Variants in HIVEP3 observed in about 807,000 individuals in gnomAD.
HIVEP3 encodes transcription factor HIVEP3.
HIVEP3 carries 49 observed loss-of-function variants against 152.8 expected under a neutral mutation model. The ratio of observed to expected loss-of-function variants is 0.32; its 90% confidence interval spans 0.26 to 0.41. HIVEP3 has a LOEUF of 0.41. Ranked by LOEUF, HIVEP3 falls within the 10% of genes least tolerant of loss-of-function variation. The pLI is 1.00. For missense variants in HIVEP3, 2,790 were observed against 3,103.3 expected (o/e 0.90, Z 2.40); for synonymous variants, 1,269 against 1,289.0 (o/e 0.98, Z 0.33).
intron 2 of HIVEP3, among the ~76,000 whole-genome samples, chr1:41,629,682 G>A (rs915831234): frequency 9.2e-5 from 14 of 152,086 alleles, no homozygotes; most frequent in African/African-American, 2.9e-4. Flanking sequence ...AATGCTCAAC[G>A]TCACTAATCA....
In HIVEP3 at chr1:41,646,353, C is replaced by T. The variant is rs75643960; in HGVS notation, c.-720-17406G>A. On this transcript the variant is annotated intron_variant, in intron 2 of 8. Coordinates refer to ENST00000372583, the MANE Select transcript of HIVEP3 (RefSeq NM_024503.5). ...GTTCAGATCCAGACCCTTCAGCATG[C>T]GGACACAGCCTGGCTCCCATGAGTG... 3.4e-4 allele frequency among the ~76,000 whole-genome samples: 52 copies of T among 152,306 alleles called. No individual in the cohort carries two copies. The South Asian group carries it at 4.8e-3, about 14-fold the overall frequency.
intron 3 of HIVEP3, among the ~76,000 whole-genome samples, chr1:41,587,028 T>C (rs1644515978): frequency 6.6e-6 from 1 of 152,114 alleles, no homozygotes; most frequent in African/African-American, 2.4e-5. Context: ...TATATATTTA[T>C]ATATGAGCTT....
chr1:41,605,202 GAGGAAAGGA>G (rs1420979133), intron 3 of HIVEP3, among the ~76,000 whole-genome samples: 2 of 148,500 alleles, frequency 1.3e-5, no homozygotes, highest in African/African-American at 5.0e-5. Flanking sequence ...GAAGGGAAGG[GAGGAAAGGA>G]AGGAAAGGAA....
intron 2 of HIVEP3, among the ~76,000 whole-genome samples, chr1:41,685,475 C>T (rs761565030): frequency 2.0e-5 from 3 of 152,234 alleles, no homozygotes; most frequent in Non-Finnish European, 2.9e-5. Context: ...GACTGGCTCA[C>T]AGCACATCCC....
chr1:41,813,709 T>C (rs1278304827), intron 1 of HIVEP3, among the ~76,000 whole-genome samples: 1 of 152,104 alleles, frequency 6.6e-6, no homozygotes, highest in African/African-American at 2.4e-5. Flanking sequence ...CCATAATACA[T>C]GAGAGACCAT....
At chr1:41,849,246 T>C (rs978957173) in intron 1 of HIVEP3, among the ~76,000 whole-genome samples, 8 of 152,164 alleles carry the variant, frequency 5.3e-5, no homozygotes, top group Middle Eastern at 3.2e-3. Flanking sequence ...GATTGCTTAT[T>C]CTATGGCACC....
intron 1 of HIVEP3, among the ~76,000 whole-genome samples, chr1:41,748,804 G>C (rs1322464718): frequency 6.6e-6 from 1 of 152,198 alleles, no homozygotes; most frequent in African/African-American, 2.4e-5. Context: ...CCACCAGCGG[G>C]GTCCTTCAGG....
At chr1:41,817,897 G>C (rs1490959952) in intron 1 of HIVEP3, among the ~76,000 whole-genome samples, 6 of 152,260 alleles carry the variant, frequency 3.9e-5, no homozygotes, top group African/African-American at 1.2e-4. Flanking sequence ...AGGTGGGGAG[G>C]GAGGAACACT....
At chr1:41,829,497 G>C (rs1250307650) in intron 1 of HIVEP3, among the ~76,000 whole-genome samples, 1 of 152,122 alleles carries the variant, frequency 6.6e-6, no homozygotes, top group East Asian at 1.9e-4. Context: ...AGAAACCTCT[G>C]TGCATGGAAG....
In HIVEP3 at chr1:41,677,286, C is replaced by G. The variant is rs929460234; in HGVS notation, c.-721+23630G>C. 5.3e-5 allele frequency among the ~76,000 whole-genome samples: 8 copies of G among 152,226 alleles called. No individual in the cohort carries two copies. The East Asian group carries it at 1.5e-3, about 29-fold the overall frequency. ...CCATGCACTGCTCTAACACGCTTCACACGTATAATCCGGTCTAATCCTCAT... is the reference window on the plus strand; with the variant it reads ...CCATGCACTGCTCTAACACGCTTCAGACGTATAATCCGGTCTAATCCTCAT... On this transcript the variant is annotated intron_variant, in intron 2 of 8. Coordinates refer to ENST00000372583, the MANE Select transcript of HIVEP3 (RefSeq NM_024503.5).
At chr1:42,018,096 C>T (rs563046469) in intron 1 of HIVEP3, among the ~76,000 whole-genome samples, 7 of 151,736 alleles carry the variant, frequency 4.6e-5, no homozygotes, top group South Asian at 2.1e-4. Context: ...TTTTTTCAAG[C>T]TTTTTGTCCA....
rs117234616 is a variant in HIVEP3, at chr1:41,874,170, T to A, written c.-801+44243A>T. Among the ~76,000 whole-genome samples, 201 of 152,376 alleles carry A rather than the reference T, an allele frequency of 1.3e-3. 3 individuals are homozygous for A. In the East Asian group the frequency reaches 0.014, roughly 11 times the overall value. ...AGTTAACTGCCTTAAAGTTCCCTTA[T>A]CATTGAAATGAACTAGATCACAGAA... On this transcript the variant is annotated intron_variant, in intron 1 of 8. Coordinates refer to ENST00000372583, the MANE Select transcript of HIVEP3 (RefSeq NM_024503.5).
At chr1:42,015,993 C>A (rs545273924) in intron 1 of HIVEP3, among the ~76,000 whole-genome samples, 1 of 152,296 alleles carries the variant, frequency 6.6e-6, no homozygotes, top group South Asian at 2.1e-4. Flanking sequence ...GCTGGTTGCA[C>A]AGGGACAGGA....
intron 3 of HIVEP3, among the ~76,000 whole-genome samples, chr1:41,593,242 C>T (rs1278746692): frequency 6.6e-6 from 1 of 152,206 alleles, no homozygotes; most frequent in Non-Finnish European, 1.5e-5. Flanking sequence ...ATGCCCCTCC[C>T]CAGAGAAGCT....
At chr1:41,902,213 G>A (rs1644637129) in intron 1 of HIVEP3, among the ~76,000 whole-genome samples, 1 of 152,228 alleles carries the variant, frequency 6.6e-6, no homozygotes, top group Middle Eastern at 3.4e-3. Flanking sequence ...GCATTTTCTG[G>A]TCTGAAAGAC....
intron 1 of HIVEP3, among the ~76,000 whole-genome samples, chr1:41,927,908 A>C (rs1417573063): frequency 6.6e-6 from 1 of 152,014 alleles, no homozygotes; most frequent in Non-Finnish European, 1.5e-5. Context: ...AAAGATACAA[A>C]AAATTAGCCA....
intron 2 of HIVEP3, among the ~76,000 whole-genome samples, chr1:41,698,494 C>T (rs772958781): frequency 2.0e-5 from 3 of 152,148 alleles, no homozygotes; most frequent in Admixed American, 1.3e-4. Context: ...CCATGTTGCC[C>T]TTGAACTGTG....
intron 2 of HIVEP3, among the ~76,000 whole-genome samples, chr1:41,677,901 G>C (rs1487432738): frequency 6.6e-6 from 1 of 152,182 alleles, no homozygotes; most frequent in Non-Finnish European, 1.5e-5. Context: ...CCCCTGCACA[G>C]TGTTGAAAAG....
chr1:41,733,894 C>T (rs140528287), intron 1 of HIVEP3, among the ~76,000 whole-genome samples: 26 of 152,264 alleles, frequency 1.7e-4, no homozygotes, highest in Non-Finnish European at 3.7e-4. Context: ...GCCTCAGCTC[C>T]TCCAGGTGTC....
Sources: allele counts gnomAD v4.1 joint callset (sites outside exome capture counted in the v4.1 genomes callset), GRCh38; gene constraint gnomAD v4.1.1; transcripts MANE v1.5; gene names NCBI Gene and HGNC (gene_info 2026-07-23, HGNC 2026-07-21).